DNAH9: variants seen among roughly 807,000 people sequenced by gnomAD.
The protein encoded by DNAH9 is dynein axonemal heavy chain 9, also known as DNAH9 variant protein.
A neutral mutation model predicts 471.6 loss-of-function variants in DNAH9; 345 were observed. That is an observed-to-expected ratio of 0.73 (90% CI 0.67 to 0.80). The LOEUF (loss-of-function observed/expected upper bound fraction) is 0.80, where lower values mean the gene tolerates loss of function less well. DNAH9 is among the 30% of genes least tolerant of loss of function. The pLI is 0.00. For synonymous variants in DNAH9, 2,093 were observed against 2,123.6 expected (o/e 0.99, Z 0.40); for missense variants, 5,407 against 5,609.2 (o/e 0.96, Z 1.15).
At chr17:11,621,895 C>G (rs2072875908) in intron 6 of DNAH9, among the ~76,000 whole-genome samples, 1 of 148,026 alleles carries the variant, frequency 6.8e-6, no homozygotes, top group Non-Finnish European at 1.5e-5. Context: ...ACCTGACCAA[C>G]ATGGTGAAAC....
intron 6 of DNAH9, among the ~76,000 whole-genome samples, chr17:11,624,515 A>G (rs954154393): frequency 6.6e-6 from 1 of 152,122 alleles, no homozygotes; most frequent in Non-Finnish European, 1.5e-5. Flanking sequence ...TCTCAAAAAA[A>G]AAAGAAAAGA....
intron 14 of DNAH9, among the ~76,000 whole-genome samples, chr17:11,655,618 CACACACACACACACCATGTATATACATAG>C (rs1210766929): frequency 0.01 from 5 of 500 alleles, no homozygotes; most frequent in African/African-American, 0.015. Flanking sequence ...TATATATATA[CACACACACACACACCATGTATATACATAG>C]ACACACACAC....
chr17:11,601,296 A>G (rs2072380987), intron 1 of DNAH9, among the ~76,000 whole-genome samples: 2 of 137,108 alleles, frequency 1.5e-5, no homozygotes, highest in African/African-American at 2.7e-5. Context: ...CATGGATGGT[A>G]TGCTACTATT....
intron 67 of DNAH9, among the ~76,000 whole-genome samples, chr17:11,948,911 C>T (rs1419929325): frequency 2.6e-5 from 4 of 152,172 alleles, no homozygotes; most frequent in Non-Finnish European, 5.9e-5. Flanking sequence ...CTGCCCTGTC[C>T]CCTGGCCCTC....
At position 11,705,090 on chromosome 17, in the gene DNAH9, A is replaced by G; in HGVS notation, c.5457A>G (p.Lys1819=). 1 of 1,614,154 alleles carries G rather than the reference A, an allele frequency of 6.2e-7. No individual in the cohort carries two copies. Among genetic ancestry groups the G allele is most frequent in the Non-Finnish European group, 8.5e-7 (1 of 1,179,982 alleles). Residue 1819 remains lysine, a synonymous_variant, in exon 26 of 69, where the codon AAA becomes AAG. Coordinates refer to ENST00000262442, the MANE Select transcript of DNAH9 (RefSeq NM_001372.4). ...QLRHRWDDEV[K]HCFANICDAQ... ...GCCATCGTTGGGATGACGAGGTCAA[A>G]CACTGCTTTGCCAACATCTGTGATG...
intron 33 of DNAH9, among the ~76,000 whole-genome samples, chr17:11,754,732 C>T (rs1357304338): frequency 1.8e-4 from 27 of 152,152 alleles, no homozygotes; most frequent in Non-Finnish European, 8.8e-5. Context: ...GGATATTAGA[C>T]CTTTGTCAGA....
At chr17:11,922,354 C>T (rs1332941679) in intron 61 of DNAH9, among the ~76,000 whole-genome samples, 2 of 152,134 alleles carry the variant, frequency 1.3e-5, no homozygotes, top group Admixed American at 6.5e-5. Flanking sequence ...CTTTTGTCTA[C>T]TTCACCTTGC....
intron 61 of DNAH9, among the ~76,000 whole-genome samples, chr17:11,918,274 C>T (rs1597824884): frequency 6.6e-6 from 1 of 151,940 alleles, no homozygotes; most frequent in East Asian, 1.9e-4. Context: ...CTGTGTTGCC[C>T]ACGCTGGAGT....
chr17:11,819,053 C>T (rs1970212537), intron 45 of DNAH9, among the ~76,000 whole-genome samples: 1 of 151,990 alleles, frequency 6.6e-6, no homozygotes, highest in South Asian at 2.1e-4. Context: ...GACTCTCCCT[C>T]TTCTCTGATT....
At chr17:11,780,639 T>C (rs1349190634) in intron 38 of DNAH9, among the ~76,000 whole-genome samples, 2 of 152,180 alleles carry the variant, frequency 1.3e-5, no homozygotes, top group Non-Finnish European at 2.9e-5. Flanking sequence ...ACCACTGTGG[T>C]TTGTATCCAG....
At chr17:11,621,407 CAA>C (rs34933930) in intron 6 of DNAH9, among the ~76,000 whole-genome samples, 171 of 72,636 alleles carry the variant, frequency 2.4e-3, no homozygotes, top group African/African-American at 8.1e-3. Context: ...GACTCCATCT[CAA>C]AAAAAAAAAA....
chr17:11,840,497 C>T (rs1262118637), intron 49 of DNAH9, among the ~76,000 whole-genome samples: 1 of 152,132 alleles, frequency 6.6e-6, no homozygotes, highest in Non-Finnish European at 1.5e-5. Flanking sequence ...GTAAGAATTT[C>T]TCTGGGCAAA....
Position 11,810,323 on chromosome 17 carries a change from G to A in DNAH9, c.8661G>A (p.Val2887=), listed in dbSNP as rs1408316460. The A allele has an allele frequency of 6.2e-7, 1 of 1,613,850 alleles. No homozygotes were observed. Among genetic ancestry groups the A allele is most frequent in the Admixed American group, 1.7e-5 (1 of 59,980 alleles). The change falls in exon 45 of 69, where the codon GTG becomes GTA. Residue 2887 remains valine, a synonymous_variant. Transcript: ENST00000262442. ...TGTTTCTCATGACTGATGCCCAAGT[G>A]GCTGATGAGAGGTTCCTTGTGCTCA... ...NTVFLMTDAQ[V]ADERFLVLIN...
chr17:11,781,839 AAAAACAAAC>A lies in DNAH9; in HGVS notation c.7718+670_7718+678del, dbSNP rs1400708956. 2.6e-3 allele frequency among the ~76,000 whole-genome samples: 381 copies of A among 146,268 alleles called. 18 individuals are homozygous for A. Among genetic ancestry groups the A allele is most frequent in the African/African-American group, 9.6e-3 (370 of 38,730 alleles). On this transcript the variant is annotated intron_variant, in intron 39 of 68. Transcript: ENST00000262442. ...AGAGCGAGACTCCATCTTAAAAAAA[AAAAACAAAC>A]AAAAAAAAAACTACCAAACACCCGG...
At position 11,826,521 on chromosome 17, in the gene DNAH9, C is replaced by T. The variant is rs370618570; in HGVS notation, c.9246+3487C>T. On this transcript the variant is annotated intron_variant, in intron 48 of 68. Coordinates refer to ENST00000262442, the MANE Select transcript of DNAH9 (RefSeq NM_001372.4). Reference sequence around the variant, plus strand: ...TGTCGCACAGGCTGGAGTGCAGTGGCGCGATCTCGGCTCACTGCAAGCTCT... The same window carrying T: ...TGTCGCACAGGCTGGAGTGCAGTGGTGCGATCTCGGCTCACTGCAAGCTCT... Among the ~76,000 whole-genome samples the T allele has an allele frequency of 8.0e-3, 1,046 of 130,862 alleles. 14 individuals carry two copies. The highest frequency in any genetic ancestry group is 0.029 in the African/African-American group (991 of 34,500). The allele number at this position is 130,862 out of a possible 152,430, so 85.9% of individuals were successfully genotyped here.
chr17:11,770,931 A>G (rs1310709320), intron 38 of DNAH9, among the ~76,000 whole-genome samples: 3 of 152,172 alleles, frequency 2.0e-5, no homozygotes, highest in Non-Finnish European at 4.4e-5. Flanking sequence ...TACCAATGCA[A>G]TGTCAGTGAA....
chr17:11,729,641 G>A (rs367831605), intron 28 of DNAH9, among the ~76,000 whole-genome samples: 16 of 152,144 alleles, frequency 1.1e-4, no homozygotes, highest in African/African-American at 2.9e-4. Flanking sequence ...TAAGGCAAGA[G>A]TGCGGGATTG....
intron 27 of DNAH9, among the ~76,000 whole-genome samples, chr17:11,726,729 C>T (rs1383530394): frequency 2.6e-5 from 4 of 152,114 alleles, no homozygotes; most frequent in African/African-American, 4.8e-5. Flanking sequence ...AGCACATGAT[C>T]GGTGCACAGA....
rs748081714 is a variant in DNAH9 at position 11,640,342 on chromosome 17, G to T, written c.1859G>T (p.Arg620Leu). The T allele has an allele frequency of 6.2e-7, 1 of 1,613,922 alleles. No homozygotes were observed. The highest frequency in any genetic ancestry group is 2.2e-5 in the East Asian group (1 of 44,864). Reference protein sequence around the residue: ...GLRWAQELRQRIQGPFSNFGR... With the variant: ...GLRWAQELRQLIQGPFSNFGR... The stretch of plus-strand genomic sequence containing the variant: ...CGCTGGGCACAGGAGCTGAGGCAGC[G>T]CATCCAGGGTCCTTTCAGCAACTTT... The change falls in exon 10 of 69, where the codon CGC (arginine) becomes CTC (leucine). Residue 620 changes from arginine (R) to leucine (L), a missense_variant. Around this residue, in one of 3 missense-constraint regions of DNAH9, gnomAD observed 4,636 missense variants for 4,900.3 expected, o/e 0.95. Coordinates refer to ENST00000262442, the MANE Select transcript of DNAH9 (RefSeq NM_001372.4).
Sources: allele counts gnomAD v4.1 joint callset (sites outside exome capture counted in the v4.1 genomes callset), GRCh38; gene constraint gnomAD v4.1.1; regional missense constraint gnomAD v4.1.1; transcripts MANE v1.5; gene names NCBI Gene and HGNC (gene_info 2026-07-23, HGNC 2026-07-21).